The following KCNIP4 variants were observed in gnomAD, a reference collection of about 807,000 sequenced individuals.
KCNIP4 encodes potassium voltage-gated channel interacting protein 4, also known as Kv channel-interacting protein 4.
KCNIP4 carries 12 observed loss-of-function variants against 34.0 expected under a neutral mutation model. The observed-to-expected ratio is 0.35, with a 90% confidence interval of 0.23 to 0.57. KCNIP4 has a LOEUF of 0.57. Among genes scored for constraint, KCNIP4 ranks in the 20% least tolerant of loss-of-function variants. The pLI is 0.83. For missense variants in KCNIP4, 238 were observed against 311.7 expected (o/e 0.76, Z 1.78); for synonymous variants, 124 against 102.2 (o/e 1.21, Z -1.29).
At chr4:21,736,982 T>C (rs544508773) in intron 1 of KCNIP4, among the ~76,000 whole-genome samples, 1 of 152,246 alleles carries the variant, frequency 6.6e-6, no homozygotes, top group African/African-American at 2.4e-5. Context: ...CTGAGAATGA[T>C]GTTGTGCACA....
At chr4:21,856,158 G>C (rs532573915) in intron 1 of KCNIP4, among the ~76,000 whole-genome samples, 17 of 152,184 alleles carry the variant, frequency 1.1e-4, no homozygotes, top group African/African-American at 4.1e-4. Flanking sequence ...ATTTATCATG[G>C]TGCTGATATA....
chr4:21,306,718 A>C (rs1712502171), intron 1 of KCNIP4, among the ~76,000 whole-genome samples: 1 of 152,216 alleles, frequency 6.6e-6, no homozygotes, highest in Non-Finnish European at 1.5e-5. Flanking sequence ...TGAACTCTGC[A>C]GAGCCCTTCA....
At chr4:21,814,637 C>A (rs951585268) in intron 1 of KCNIP4, among the ~76,000 whole-genome samples, 1 of 152,066 alleles carries the variant, frequency 6.6e-6, no homozygotes, top group Non-Finnish European at 1.5e-5. Flanking sequence ...TGACGTACTT[C>A]TAGGCATCAA....
intron 1 of KCNIP4, among the ~76,000 whole-genome samples, chr4:21,145,212 C>G (rs1752265265): frequency 1.3e-5 from 2 of 152,080 alleles, no homozygotes; most frequent in Admixed American, 1.3e-4. Context: ...AAGAAGTAAC[C>G]CTAATACTCA....
intron 1 of KCNIP4, among the ~76,000 whole-genome samples, chr4:21,264,575 C>A (rs28591172): frequency 0.25 from 38,545 of 152,020 alleles, 5,069 homozygotes; most frequent in South Asian, 0.35. Flanking sequence ...AATACTACAC[C>A]CACCATGCTC....
At chr4:21,624,951 T>C (rs1272088937) in intron 1 of KCNIP4, among the ~76,000 whole-genome samples, 1 of 152,148 alleles carries the variant, frequency 6.6e-6, no homozygotes, top group Admixed American at 6.5e-5. Flanking sequence ...TGTGACAAAG[T>C]AGCTGACAGA....
intron 1 of KCNIP4, among the ~76,000 whole-genome samples, chr4:21,778,948 T>C (rs1352160722): frequency 6.6e-6 from 1 of 152,042 alleles, no homozygotes; most frequent in Non-Finnish European, 1.5e-5. Context: ...ACCCACTTCC[T>C]AGAGTTACTG....
At chr4:21,825,549 A>G (rs73108038) in intron 1 of KCNIP4, among the ~76,000 whole-genome samples, 15,236 of 152,182 alleles carry the variant, frequency 0.1, 2,568 homozygotes, top group African/African-American at 0.35. Context: ...GATAATTAGA[A>G]TGGTTTCCAC....
intron 1 of KCNIP4, among the ~76,000 whole-genome samples, chr4:21,691,828 A>G (rs750006034): frequency 3.4e-4 from 51 of 150,796 alleles, no homozygotes; most frequent in Non-Finnish European, 6.3e-4. Flanking sequence ...CCTCCTGAGT[A>G]GCTGGGACTA....
At chr4:21,090,442 C>A (rs982274648) in intron 1 of KCNIP4, among the ~76,000 whole-genome samples, 1 of 152,150 alleles carries the variant, frequency 6.6e-6, no homozygotes, top group African/African-American at 2.4e-5. Flanking sequence ...CATATACCCC[C>A]AAAACTTAGG....
intron 1 of KCNIP4, among the ~76,000 whole-genome samples, chr4:21,927,220 C>T (rs571236325): frequency 1.2e-4 from 19 of 152,196 alleles, no homozygotes; most frequent in African/African-American, 3.6e-4. Context: ...CAGACTGGGC[C>T]CACTGACACC....
chr4:21,657,224 T>C (rs1577773920), intron 1 of KCNIP4, among the ~76,000 whole-genome samples: 2 of 152,322 alleles, frequency 1.3e-5, no homozygotes, highest in Non-Finnish European at 1.5e-5. Flanking sequence ...TTATCAGTCT[T>C]TTTTTACTTG....
chr4:21,382,452 A>G (rs140050035), intron 1 of KCNIP4, among the ~76,000 whole-genome samples: 76 of 152,306 alleles, frequency 5.0e-4, no homozygotes, highest in African/African-American at 1.8e-3. Flanking sequence ...GAGGACCAAT[A>G]AGTTCAAAGT....
intron 1 of KCNIP4, among the ~76,000 whole-genome samples, chr4:21,819,450 T>A (rs1233303394): frequency 6.6e-6 from 1 of 152,234 alleles, no homozygotes; most frequent in Non-Finnish European, 1.5e-5. Flanking sequence ...TTCCTTCACG[T>A]GTAACCTGAT....
At position 21,211,782 on chromosome 4, in the gene KCNIP4, T is replaced by A. The variant is rs115291470; in HGVS notation, c.62-329073A>T. On this transcript the variant is annotated intron_variant, in intron 1 of 8. Coordinates refer to ENST00000382152, the MANE Select transcript of KCNIP4 (RefSeq NM_025221.6). ...GTTAGGGACACAATTATATCCGGTTTACAGGTGAAGAAATATAAGCCCAAA... is the reference window on the plus strand; with the variant it reads ...GTTAGGGACACAATTATATCCGGTTAACAGGTGAAGAAATATAAGCCCAAA... Among the ~76,000 whole-genome samples the A allele has an allele frequency of 3.0e-3, 460 of 152,176 alleles. 5 individuals are homozygous for A. Among genetic ancestry groups the A allele is most frequent in the Middle Eastern group, 0.01 (3 of 294 alleles).
chr4:21,707,932 T>TACACACACAC (rs3050896), intron 1 of KCNIP4, among the ~76,000 whole-genome samples: 10 of 146,936 alleles, frequency 6.8e-5, no homozygotes, highest in South Asian at 6.6e-4. Context: ...AACACACACA[T>TACACACACAC]ACACACACAC....
At chr4:21,355,770 G>A (rs1718522051) in intron 1 of KCNIP4, among the ~76,000 whole-genome samples, 1 of 152,236 alleles carries the variant, frequency 6.6e-6, no homozygotes, top group East Asian at 1.9e-4. Flanking sequence ...CCAATCAAGA[G>A]TAAAAGAAGA....
At chr4:21,073,891 T>C (rs1745216334) in intron 1 of KCNIP4, among the ~76,000 whole-genome samples, 1 of 152,220 alleles carries the variant, frequency 6.6e-6, no homozygotes, top group African/African-American at 2.4e-5. Flanking sequence ...TCTATTGAGA[T>C]AATCATGTGG....
At chr4:21,498,851 C>T (rs567129115) in intron 1 of KCNIP4, among the ~76,000 whole-genome samples, 81 of 151,928 alleles carry the variant, frequency 5.3e-4, no homozygotes, top group Non-Finnish European at 1.0e-3. Flanking sequence ...TCTTTCTCTC[C>T]GTGAAGCACA....
Sources: allele counts gnomAD v4.1 joint callset (sites outside exome capture counted in the v4.1 genomes callset), GRCh38; gene constraint gnomAD v4.1.1; transcripts MANE v1.5; gene names NCBI Gene and HGNC (gene_info 2026-07-23, HGNC 2026-07-21).